The following VKORC1L1 variants were observed in gnomAD, a reference collection of about 807,000 sequenced individuals.
The protein encoded by VKORC1L1 is vitamin K epoxide reductase complex subunit 1-like protein 1.
VKORC1L1 carries 2 observed loss-of-function variants against 18.9 expected under a neutral mutation model. That is an observed-to-expected ratio of 0.11 (90% CI 0.04 to 0.33). The LOEUF (loss-of-function observed/expected upper bound fraction) is 0.33. Among genes scored for constraint, VKORC1L1 ranks in the 10% least tolerant of loss-of-function variants. The pLI is 1.00. For synonymous variants in VKORC1L1, 96 were observed against 100.0 expected (o/e 0.96, Z 0.24); for missense variants, 123 against 224.1 (o/e 0.55, Z 2.88).
At chr7:65,897,629 C>T (rs764046564) in intron 1 of VKORC1L1, among the ~76,000 whole-genome samples, 1 of 150,688 alleles carries the variant, frequency 6.6e-6, no homozygotes, top group Non-Finnish European at 1.5e-5. Context: ...TGTTAGAAGT[C>T]AGGGTAGTAT....
chr7:65,938,776 A>G (rs1789987793), intron 1 of VKORC1L1, among the ~76,000 whole-genome samples: 1 of 152,248 alleles, frequency 6.6e-6, no homozygotes, highest in Non-Finnish European at 1.5e-5. Context: ...AAAGAGCCCG[A>G]ACAGCTGTGG....
rs535038708 is a variant in VKORC1L1 at position 65,886,261 on chromosome 7, TGTA to T, written c.194+12699_194+12701del. Among the ~76,000 whole-genome samples, 240 of 152,340 alleles carry T rather than the reference TGTA, an allele frequency of 1.6e-3. 1 individual carries two copies. The highest frequency in any genetic ancestry group is 5.5e-3 in the African/African-American group (230 of 41,588). ...GCAGTATATTATGATCTCTTTTTCT[TGTA>T]GTCATTAATTTAATGATTAAGGACC... On this transcript the variant is annotated intron_variant, in intron 1 of 2. Coordinates refer to ENST00000360768, the MANE Select transcript of VKORC1L1 (RefSeq NM_173517.6).
At chr7:65,931,420 T>C (rs1166791428) in intron 1 of VKORC1L1, among the ~76,000 whole-genome samples, 1 of 152,172 alleles carries the variant, frequency 6.6e-6, no homozygotes, top group African/African-American at 2.4e-5. Flanking sequence ...TCAGATTCTG[T>C]ATTTCTTGAG....
rs1790303934 is a variant in VKORC1L1 at position 65,956,791 on chromosome 7, T to A, written c.*2491T>A. On this transcript the variant is annotated 3_prime_UTR_variant, in exon 3 of 3. Coordinates refer to ENST00000360768, the MANE Select transcript of VKORC1L1 (RefSeq NM_173517.6). ...AAATTAGAAGATTGTTTTGCCTGTT[T>A]TAGACTGAATATTTGAACACTGCAG... 6.6e-6 allele frequency: 1 copy of A among 152,194 alleles called. No homozygotes were observed. The highest frequency in any genetic ancestry group is 2.4e-5 in the African/African-American group (1 of 41,442). The allele number at this position is 152,194 out of a possible 1,614,324, so 9.4% of individuals were successfully genotyped here.
At chr7:65,915,633 GT>G (rs34639789) in intron 1 of VKORC1L1, among the ~76,000 whole-genome samples, 70,852 of 143,270 alleles carry the variant, frequency 0.49, 17,566 homozygotes, top group East Asian at 0.71. Flanking sequence ...AAAGAAACCA[GT>G]TTTTTTTTTT....
chr7:65,874,121 G>GTGAGAATT (rs1788784939), intron 1 of VKORC1L1, among the ~76,000 whole-genome samples: 1 of 152,172 alleles, frequency 6.6e-6, no homozygotes, highest in Non-Finnish European at 1.5e-5. Flanking sequence ...TTGTACTCCA[G>GTGAGAATT]CGCTAGTGAG....
rs187019333 is a variant in VKORC1L1 at position 65,909,570 on chromosome 7, C to T, written c.194+36005C>T. Among the ~76,000 whole-genome samples, 311 of 152,146 alleles carry T rather than the reference C, an allele frequency of 2.0e-3. 1 individual carries two copies. Among genetic ancestry groups the T allele is most frequent in the African/African-American group, 7.2e-3 (299 of 41,512 alleles). On this transcript the variant is annotated intron_variant, in intron 1 of 2. Coordinates refer to ENST00000360768, the MANE Select transcript of VKORC1L1 (RefSeq NM_173517.6). ...AATAGATTTGGTTCTATTACATTTC[C>T]TGTGTGTGGATCTCATTGGTTGAAA...
intron 1 of VKORC1L1, among the ~76,000 whole-genome samples, chr7:65,885,945 G>A (rs1306699253): frequency 3.3e-5 from 5 of 152,148 alleles, no homozygotes; most frequent in South Asian, 4.1e-4. Flanking sequence ...ATTTATAGAC[G>A]AATATGGGAA....
chr7:65,938,331 A>G lies in VKORC1L1; in HGVS notation c.195-10340A>G, dbSNP rs546650391. ...GCAATAAGTTTAATAAATGAATTTA[A>G]CAGGTTTGGGAGAGTATATCATGGT... On this transcript the variant is annotated intron_variant, in intron 1 of 2. Transcript: ENST00000360768. 2.6e-5 allele frequency among the ~76,000 whole-genome samples: 4 copies of G among 152,262 alleles called. No homozygotes were observed. In the South Asian group the frequency reaches 8.3e-4, roughly 32 times the overall value.
the VKORC1L1 span, among the ~76,000 whole-genome samples, chr7:65,867,641 G>A: frequency 1.3e-5 from 2 of 152,206 alleles, no homozygotes; most frequent in African/African-American, 4.8e-5. Context: ...ACATCAAAAT[G>A]TGGCCTCTCC....
rs1403765079 is a variant in VKORC1L1 at position 65,956,329 on chromosome 7, C to G, written c.*2029C>G. On this transcript the variant is annotated 3_prime_UTR_variant, in exon 3 of 3. Coordinates refer to ENST00000360768, the MANE Select transcript of VKORC1L1 (RefSeq NM_173517.6). Reference sequence around the variant, plus strand: ...GTTAAAACTGTGGTATACATGACATCGGTTGTGCTAAACAAGTTCCTCGTG... The same window carrying G: ...GTTAAAACTGTGGTATACATGACATGGGTTGTGCTAAACAAGTTCCTCGTG... The G allele has an allele frequency of 6.6e-6, 1 of 152,178 alleles. No homozygotes were observed. Among genetic ancestry groups the G allele is most frequent in the Non-Finnish European group, 1.5e-5 (1 of 68,026 alleles). 9.4% of individuals were successfully genotyped at this position (152,178 alleles called of 1,614,324 possible).
At chr7:65,910,933 G>A (rs1033799300) in intron 1 of VKORC1L1, among the ~76,000 whole-genome samples, 1 of 152,126 alleles carries the variant, frequency 6.6e-6, no homozygotes, top group African/African-American at 2.4e-5. Context: ...TTGAGCTTAT[G>A]TCTGTACATT....
intron 1 of VKORC1L1, among the ~76,000 whole-genome samples, chr7:65,875,992 A>C (rs947926624): frequency 6.6e-6 from 1 of 152,176 alleles, no homozygotes; most frequent in Non-Finnish European, 1.5e-5. Context: ...TTAATGAGAG[A>C]ATCTTGAGAG....
intron 1 of VKORC1L1, among the ~76,000 whole-genome samples, chr7:65,918,335 C>A (rs1187139166): frequency 6.6e-6 from 1 of 152,204 alleles, no homozygotes; most frequent in Non-Finnish European, 1.5e-5. Flanking sequence ...ATAAAGGACA[C>A]AGAGATATGT....
chr7:65,908,836 CAAAAAA>C (rs5884577), intron 1 of VKORC1L1, among the ~76,000 whole-genome samples: 2 of 104,950 alleles, frequency 1.9e-5, no homozygotes, highest in Non-Finnish European at 3.9e-5. Flanking sequence ...GACTCCATCT[CAAAAAA>C]AAAAAAAAAA....
At chr7:65,925,306 A>G (rs751859727) in intron 1 of VKORC1L1, among the ~76,000 whole-genome samples, 3 of 152,096 alleles carry the variant, frequency 2.0e-5, no homozygotes, top group East Asian at 1.9e-4. Flanking sequence ...TTCTTCCTCA[A>G]TTCAGCCAGT....
chr7:65,873,537 G>T lies in VKORC1L1; in HGVS notation c.166G>T (p.Val56Leu). 6.4e-7 allele frequency: 1 copy of T among 1,574,354 alleles called. No individual in the cohort carries two copies. ...HRALCDLGPW[V>L]KCSAALASRW... ...GGCCCTCTGCGACCTGGGGCCCTGG[G>T]TGAAGTGCTCCGCCGCCCTTGCCTC... The change falls in exon 1 of 3, where the codon GTG becomes TTG. Residue 56 changes from valine to leucine, a missense_variant. This residue lies in a region of VKORC1L1 where 60 missense variants were observed against 76.9 expected (regional missense o/e 0.78). Transcript: ENST00000360768.
chr7:65,881,348 G>A (rs1252188695), intron 1 of VKORC1L1, among the ~76,000 whole-genome samples: 1 of 152,108 alleles, frequency 6.6e-6, no homozygotes, highest in South Asian at 2.1e-4. Context: ...TGTCTGCCAG[G>A]TTATCTCAAG....
chr7:65,871,441 C>T (rs1788724741), upstream of VKORC1L1, among the ~76,000 whole-genome samples: 1 of 152,144 alleles, frequency 6.6e-6, no homozygotes, highest in African/African-American at 2.4e-5. Flanking sequence ...GTGCTCTACC[C>T]ACCTCGGCCT....
Sources: allele counts gnomAD v4.1 joint callset (sites outside exome capture counted in the v4.1 genomes callset), GRCh38; gene constraint gnomAD v4.1.1; regional missense constraint gnomAD v4.1.1; transcripts MANE v1.5; gene names NCBI Gene and HGNC (gene_info 2026-07-23, HGNC 2026-07-21).